ARV1: variants seen among roughly 807,000 people sequenced by gnomAD.
The protein encoded by ARV1 is ARV1 fatty acid homeostasis modulator.
In ARV1, 26 loss-of-function variants were observed where a neutral mutation model predicts 31.1. That is an observed-to-expected ratio of 0.84 (90% CI 0.61 to 1.16). The LOEUF is 1.16. Ranked by LOEUF, ARV1 falls within the 50% of genes most tolerant of loss-of-function variation. The pLI is 0.00. For missense variants in ARV1, 281 were observed against 324.9 expected (o/e 0.86, Z 1.04); for synonymous variants, 117 against 123.2 (o/e 0.95, Z 0.34).
At chr1:230,979,857 G>T (rs1678798788) in intron 1 of ARV1, among the ~76,000 whole-genome samples, 1 of 151,998 alleles carries the variant, frequency 6.6e-6, no homozygotes, top group African/African-American at 2.4e-5. Context: ...CCCTGAACTG[G>T]CTTATAAGGC....
chr1:230,993,047 A>T (rs1679268260), intron 3 of ARV1, among the ~76,000 whole-genome samples: 1 of 152,210 alleles, frequency 6.6e-6, no homozygotes, highest in Admixed American at 6.5e-5. Flanking sequence ...CTAGAACCTA[A>T]TATGATTTTA....
At chr1:230,980,369 C>T (rs951017768) in intron 1 of ARV1, among the ~76,000 whole-genome samples, 2 of 151,796 alleles carry the variant, frequency 1.3e-5, no homozygotes, top group African/African-American at 4.8e-5. Flanking sequence ...TAGAGTTTCC[C>T]TCTGTCACCC....
intron 4 of ARV1, 92 bp downstream of exon 4, chr1:230,996,076 T>A: frequency 1.0e-6 from 1 of 982,026 alleles, no homozygotes; most frequent in Non-Finnish European, 1.5e-6. Flanking sequence ...TATAACCTGT[T>A]GAACACTGGA....
At chr1:230,986,687 TTTTTTTTTTTTTTTTTTTTG>T in intron 1 of ARV1, among the ~76,000 whole-genome samples, 1 of 122,450 alleles carries the variant, frequency 8.2e-6, no homozygotes, top group African/African-American at 3.4e-5. Flanking sequence ...TTTTTTTTTT[TTTTTTTTTTTTTTTTTTTTG>T]AGAGAGAGAG....
chr1:230,983,266 G>A (rs1488878177), intron 1 of ARV1, among the ~76,000 whole-genome samples: 1 of 151,974 alleles, frequency 6.6e-6, no homozygotes, highest in Admixed American at 6.6e-5. Flanking sequence ...ACAAAAATTA[G>A]CCAGGCGTGG....
At chr1:230,987,143 G>A (rs901612520) in intron 1 of ARV1, among the ~76,000 whole-genome samples, 1 of 152,122 alleles carries the variant, frequency 6.6e-6, no homozygotes, top group Admixed American at 6.6e-5. Flanking sequence ...CTGCAGTACT[G>A]CAATCCTCAA....
At chr1:230,989,285 G>A (rs879810647) in intron 2 of ARV1, among the ~76,000 whole-genome samples, 4 of 151,998 alleles carry the variant, frequency 2.6e-5, no homozygotes, top group East Asian at 1.9e-4. Context: ...TTACAGGCAC[G>A]CATCACCAAG....
Position 230,979,171 on chromosome 1 carries a change from T to C in ARV1, c.66T>C (p.Thr22=). The change falls in exon 1 of 6, where the codon ACT becomes ACC. Residue 22 remains threonine (T), a synonymous_variant. Coordinates refer to ENST00000310256, the MANE Select transcript of ARV1 (RefSeq NM_022786.3). ...GKGNVDGVAA[T]PTAASASCQY... ...GGAACGTGGATGGGGTGGCAGCGACTCCTACTGCTGCCTCGGCCTCCTGCC... is the reference window on the plus strand; with the variant it reads ...GGAACGTGGATGGGGTGGCAGCGACCCCTACTGCTGCCTCGGCCTCCTGCC... The C allele has an allele frequency of 6.2e-7, 1 of 1,613,224 alleles. No homozygotes were observed. The highest frequency in any genetic ancestry group is 8.5e-7 in the Non-Finnish European group (1 of 1,179,680).
intron 4 of ARV1, 53 bp from the exon 5 acceptor site, chr1:230,997,068 T>C (rs1029847134): frequency 6.3e-7 from 1 of 1,586,016 alleles, no homozygotes. Flanking sequence ...AAAATTTACA[T>C]GTCAATATCG....
intron 1 of ARV1, 95 bp from the exon 2 acceptor site, chr1:230,988,225 A>C (rs1679134646): frequency 1.9e-6 from 2 of 1,079,400 alleles, no homozygotes; most frequent in African/African-American, 1.6e-5. Flanking sequence ...CCATATTGCT[A>C]TCTGTGTCCA....
At chr1:230,996,758 T>C (rs575827569) in intron 4 of ARV1, among the ~76,000 whole-genome samples, 6 of 152,324 alleles carry the variant, frequency 3.9e-5, no homozygotes, top group Admixed American at 1.3e-4. Flanking sequence ...AATGAACTTA[T>C]TACCTGATAC....
At chr1:230,993,071 A>G (rs1279148299) in intron 3 of ARV1, among the ~76,000 whole-genome samples, 1 of 152,206 alleles carries the variant, frequency 6.6e-6, no homozygotes, top group East Asian at 1.9e-4. Flanking sequence ...CTTAAAGCAA[A>G]GCCTCTTAAA....
rs533522778 is a variant in ARV1 at position 230,980,326 on chromosome 1, G to A, written c.174+1047G>A. On this transcript the variant is annotated intron_variant, in intron 1 of 5. Coordinates refer to ENST00000310256, the MANE Select transcript of ARV1 (RefSeq NM_022786.3). ...CATGATTTCTGGCAATCTTATTTCG[G>A]TTTTTTTTTTCTTTCTTTCTTTCTT... 2.0e-5 allele frequency among the ~76,000 whole-genome samples: 3 copies of A among 150,064 alleles called. No homozygotes were observed. In the East Asian group the frequency reaches 5.9e-4, roughly 29 times the overall value.
chr1:230,991,112 C>T (rs1679216540), intron 3 of ARV1, among the ~76,000 whole-genome samples: 1 of 152,298 alleles, frequency 6.6e-6, no homozygotes, highest in Admixed American at 6.5e-5. Context: ...CAGAATTTCA[C>T]TTCATAAGTT....
Position 230,997,152 on chromosome 1 carries a change from C to T in ARV1, c.705C>T (p.Phe235=). The T allele has an allele frequency of 6.2e-7, 1 of 1,614,164 alleles. No individual in the cohort carries two copies. The highest frequency in any genetic ancestry group is 8.5e-7 in the Non-Finnish European group (1 of 1,180,012). The change falls in exon 5 of 6, where the codon TTC becomes TTT. Residue 235 remains phenylalanine, a synonymous_variant. Transcript: ENST00000310256. ...VTLNINRKLS[F]LAVLSGLLLE... is the part of the protein sequence containing the mutation. ...TAAACATCAACCGTAAGCTCTCCTT[C>T]TTGGCCGTGTTGAGTGGCTTACTGC...
chr1:230,984,751 C>G lies in ARV1; in HGVS notation c.175-3569C>G, dbSNP rs200108658. ...ACAGAGAGATAAACAACTTAAAAGACAAATGGTTACAAGAAGAGCAACGGT... is the reference window on the plus strand; with the variant it reads ...ACAGAGAGATAAACAACTTAAAAGAGAAATGGTTACAAGAAGAGCAACGGT... On this transcript the variant is annotated intron_variant, in intron 1 of 5. Coordinates refer to ENST00000310256, the MANE Select transcript of ARV1 (RefSeq NM_022786.3). Among the ~76,000 whole-genome samples the G allele has an allele frequency of 5.4e-5, 8 of 147,294 alleles. No homozygotes were observed. In the East Asian group the frequency reaches 7.9e-4, roughly 15 times the overall value.
chr1:230,991,584 T>G (rs1013194533), intron 3 of ARV1, among the ~76,000 whole-genome samples: 3 of 151,976 alleles, frequency 2.0e-5, no homozygotes, highest in Admixed American at 6.6e-5. Context: ...TACCCCATAG[T>G]CAGGTCATCA....
chr1:230,992,209 TC>T (rs1265208897), intron 3 of ARV1, among the ~76,000 whole-genome samples: 1 of 152,164 alleles, frequency 6.6e-6, no homozygotes, highest in African/African-American at 2.4e-5. Context: ...CCACTGCGTC[TC>T]TCATTTTATC....
intron 3 of ARV1, among the ~76,000 whole-genome samples, chr1:230,993,164 C>T (rs897559663): frequency 6.6e-6 from 1 of 152,106 alleles, no homozygotes; most frequent in Non-Finnish European, 1.5e-5. Flanking sequence ...AGTCATAGCT[C>T]ACTGCAGCCT....
Sources: allele counts gnomAD v4.1 joint callset (sites outside exome capture counted in the v4.1 genomes callset), GRCh38; gene constraint gnomAD v4.1.1; transcripts MANE v1.5; gene names NCBI Gene and HGNC (gene_info 2026-07-23, HGNC 2026-07-21).